Variants in NLRP5 observed in about 807,000 individuals in gnomAD.
NLRP5 encodes the protein NACHT, LRR and PYD domains-containing protein 5.
In NLRP5, 93 loss-of-function variants were observed where a neutral mutation model predicts 113.1. That is an observed-to-expected ratio of 0.82 (90% CI 0.70 to 0.98). The LOEUF (loss-of-function observed/expected upper bound fraction) is 0.98. Among genes scored for constraint, NLRP5 ranks in the 50% least tolerant of loss-of-function variants. NLRP5 has a pLI of 0.00. For synonymous variants in NLRP5, 751 were observed against 600.7 expected (o/e 1.25, Z -3.66); for missense variants, 1,808 against 1,514.3 (o/e 1.19, Z -3.22).
Position 56,028,494 on chromosome 19 carries a change from C to T in NLRP5, c.2261C>T (p.Pro754Leu). The change falls in exon 7 of 15, where the codon CCT (proline) becomes CTT (leucine). Residue 754 changes from proline (P) to leucine (L), a missense_variant. Pro to Leu is a moderately conservative substitution (Grantham distance 98, BLOSUM62 -3). Coordinates refer to ENST00000390649, the MANE Select transcript of NLRP5 (RefSeq NM_153447.4). ...AGAGATGAGTCCGCTGAGGCATGTC[C>T]TGTGGTCCCTCTATGGTGAGTACCC... 4 of 1,613,382 alleles carry T rather than the reference C, an allele frequency of 2.5e-6. No homozygotes were observed. Among genetic ancestry groups the T allele is most frequent in the Non-Finnish European group, 3.4e-6 (4 of 1,179,750 alleles).
chr19:55,993,960 C>A, the NLRP5 span, among the ~76,000 whole-genome samples: 1 of 151,948 alleles, frequency 6.6e-6, no homozygotes, highest in Non-Finnish European at 1.5e-5. Context: ...AGAGTGCAGA[C>A]ATACCTTTGA....
At chr19:55,987,890 T>C in the NLRP5 span, 1 of 1,613,842 alleles carries the variant, frequency 6.2e-7, no homozygotes, top group Non-Finnish European at 8.5e-7. Context: ...AAAAAGTGAC[T>C]GCCTATCCCA....
intron 2 of NLRP5, among the ~76,000 whole-genome samples, chr19:56,005,559 A>G (rs1355665422): frequency 1.5e-5 from 2 of 133,968 alleles, no homozygotes; most frequent in Non-Finnish European, 3.2e-5. Flanking sequence ...ATGCCTGTAC[A>G]CACATATATA....
upstream of NLRP5, among the ~76,000 whole-genome samples, chr19:55,998,449 C>T (rs895664600): frequency 9.2e-5 from 14 of 151,942 alleles, no homozygotes; most frequent in East Asian, 1.4e-3. Context: ...GTCAGGAGTT[C>T]GAGACCAGTC....
At chr19:56,018,276 G>C (rs1031443361) in intron 4 of NLRP5, among the ~76,000 whole-genome samples, 1 of 152,144 alleles carries the variant, frequency 6.6e-6, no homozygotes, top group African/African-American at 2.4e-5. Flanking sequence ...ACAAGACAAA[G>C]ACCACCCTAA....
At chr19:55,999,657 C>G (rs1485750616), upstream of NLRP5, 1 of 1,192,160 alleles carries the variant, frequency 8.4e-7, no homozygotes, top group Non-Finnish European at 1.3e-6. Context: ...GAGGCAGGTA[C>G]TCTGATTTCC....
At position 56,008,086 on chromosome 19, in the gene NLRP5, G is replaced by T. The variant is rs530302855; in HGVS notation, c.443-702G>T. 1.5e-3 allele frequency among the ~76,000 whole-genome samples: 193 copies of T among 132,466 alleles called. 11 individuals carry two copies. The highest frequency in any genetic ancestry group is 2.5e-3 in the Non-Finnish European group (154 of 61,244). The allele number at this position is 132,466 out of a possible 152,430, so 86.9% of individuals were successfully genotyped here. The stretch of plus-strand genomic sequence containing the variant: ...TGGGACTACAGGCGCCCGCCACCAC[G>T]CCCGGCTAATTTTTTGTATTTTTAG... On this transcript the variant is annotated intron_variant, in intron 2 of 14. Coordinates refer to ENST00000390649, the MANE Select transcript of NLRP5 (RefSeq NM_153447.4).
chr19:56,059,972 T>C lies in NLRP5; in HGVS notation c.3471-1424T>C, dbSNP rs1469760899. Among the ~76,000 whole-genome samples, 7 of 152,148 alleles carry C rather than the reference T, an allele frequency of 4.6e-5. No homozygotes were observed. In the South Asian group the frequency reaches 1.2e-3, roughly 27 times the overall value. ...AGGAAGAAGTCAAGAGTGGCTGTGG[T>C]AGACCCTGGAATCATAGGAGGAAGG... On this transcript the variant is annotated intron_variant, in intron 14 of 14. Coordinates refer to ENST00000390649, the MANE Select transcript of NLRP5 (RefSeq NM_153447.4).
intron 13 of NLRP5, among the ~76,000 whole-genome samples, chr19:56,057,569 T>C (rs528766459): frequency 2.0e-5 from 3 of 152,310 alleles, no homozygotes; most frequent in African/African-American, 7.2e-5. Context: ...TTTCTTCAGG[T>C]GCAGTGTTGC....
chr19:56,061,660 C>G lies in NLRP5; in HGVS notation c.*132C>G, dbSNP rs1370948131. 14 of 1,018,518 alleles carry G rather than the reference C, an allele frequency of 1.4e-5. No individual in the cohort carries two copies. The highest frequency in any genetic ancestry group is 3.2e-5 in the African/African-American group (2 of 62,878). The allele number at this position is 1,018,518 out of a possible 1,614,324, so 63.1% of individuals were successfully genotyped here. A position where few individuals can be genotyped will look rare whatever the true frequency, so the allele number is the denominator to read the frequency against. On this transcript the variant is annotated 3_prime_UTR_variant, in exon 15 of 15. Coordinates refer to ENST00000390649, the MANE Select transcript of NLRP5 (RefSeq NM_153447.4). ...TGATTTCTGATTCTCACAAAGCCCT[C>G]AATGGTAGTGATTCTTCTGTGTTCA... is the stretch of plus-strand genomic sequence containing the variant.
At position 56,010,742 on chromosome 19, in the gene NLRP5, C is replaced by CAAAAAAAA. The variant is rs1412317286; in HGVS notation, c.508+1895_508+1902dup. 2.1e-3 allele frequency among the ~76,000 whole-genome samples: 88 copies of CAAAAAAAA among 41,276 alleles called. 8 individuals are homozygous for CAAAAAAAA. The highest frequency in any genetic ancestry group is 0.017 in the South Asian group (21 of 1,202). 27.1% of individuals were successfully genotyped at this position (41,276 alleles called of 152,430 possible). A position where few individuals can be genotyped will look rare whatever the true frequency, so the allele number is the denominator to read the frequency against. ...GGGAAACAAGAGCTTAACTCTGTCT[C>CAAAAAAAA]AAAAAAAAAAAAAGTCCCTTGAAAC... On this transcript the variant is annotated intron_variant, in intron 3 of 14. Coordinates refer to ENST00000390649, the MANE Select transcript of NLRP5 (RefSeq NM_153447.4).
chr19:56,020,868 C>T (rs946024169), intron 6 of NLRP5, among the ~76,000 whole-genome samples: 2 of 145,378 alleles, frequency 1.4e-5, no homozygotes, highest in Admixed American at 7.0e-5. Context: ...GTCTTGCCTT[C>T]GTGGCATTTT....
At chr19:56,024,584 T>TACACACACACACAC (rs369128981) in intron 6 of NLRP5, among the ~76,000 whole-genome samples, 25 of 147,312 alleles carry the variant, frequency 1.7e-4, no homozygotes, top group African/African-American at 6.0e-4. Context: ...TATATATACA[T>TACACACACACACAC]ACACACACAC....
intron 13 of NLRP5, among the ~76,000 whole-genome samples, chr19:56,056,548 C>G (rs567501239): frequency 2.0e-5 from 3 of 152,090 alleles, no homozygotes; most frequent in African/African-American, 4.8e-5. Flanking sequence ...CAGAGCGAGA[C>G]TCTATTTCTA....
intron 2 of NLRP5, among the ~76,000 whole-genome samples, chr19:56,004,300 G>A (rs1352194838): frequency 2.6e-5 from 4 of 152,116 alleles, no homozygotes; most frequent in African/African-American, 4.8e-5. Context: ...GGAGAAATGG[G>A]TAGACAACGG....
chr19:56,044,952 T>C (rs969068759), intron 11 of NLRP5, among the ~76,000 whole-genome samples: 1 of 152,140 alleles, frequency 6.6e-6, no homozygotes, highest in Non-Finnish European at 1.5e-5. Context: ...CCAAGTTGTG[T>C]TGTGTTGTGT....
At chr19:56,035,026 C>T (rs1481746028) in intron 9 of NLRP5, among the ~76,000 whole-genome samples, 1 of 152,214 alleles carries the variant, frequency 6.6e-6, no homozygotes, top group African/African-American at 2.4e-5. Context: ...GCAACGTCCA[C>T]CTCCCTGGTT....
At chr19:56,050,622 C>A in intron 12 of NLRP5, 34 bp downstream of exon 12, 2 of 1,594,144 alleles carry the variant, frequency 1.3e-6, no homozygotes, top group Non-Finnish European at 8.6e-7. Context: ...TCAACTCTAT[C>A]ATACTGGGGT....
At chr19:56,050,358 C>T (rs1169445285) in intron 11 of NLRP5, 60 bp from the exon 12 acceptor site, 9 of 1,526,946 alleles carry the variant, frequency 5.9e-6, no homozygotes, top group Non-Finnish European at 8.1e-6. Context: ...CAGCAGCTCA[C>T]TTGAGGCCAT....
Sources: gnomAD v4.1 joint callset for allele counts (sites outside exome capture counted in the v4.1 genomes callset) on GRCh38, gnomAD v4.1.1 for gene constraint, MANE v1.5 for transcripts, NCBI Gene and HGNC (gene_info 2026-07-23, HGNC 2026-07-21) for gene names.